Variants in SLC12A7 observed in about 807,000 individuals in gnomAD.
SLC12A7 encodes solute carrier family 12 member 7, also known as K-Cl cotransporter 4.
Under a neutral mutation model 120.6 loss-of-function variants are expected in SLC12A7, and 100 were observed. The observed-to-expected ratio is 0.83, with a 90% CI of 0.71 to 0.98. SLC12A7 has a LOEUF of 0.98. SLC12A7 is among the 50% of genes least tolerant of loss of function. The pLI is 0.00. For synonymous variants in SLC12A7, 760 were observed against 678.0 expected (o/e 1.12, Z -1.88); for missense variants, 1,373 against 1,548.1 (o/e 0.89, Z 1.90).
chr5:1,142,889 A>T, the SLC12A7 span, among the ~76,000 whole-genome samples: 2 of 151,046 alleles, frequency 1.3e-5, no homozygotes, highest in Non-Finnish European at 3.0e-5. Flanking sequence ...GGTAAGGGGG[A>T]GTAGGTCAGC....
chr5:1,154,372 C>CAA, the SLC12A7 span, among the ~76,000 whole-genome samples: 1 of 151,784 alleles, frequency 6.6e-6, no homozygotes, highest in South Asian at 2.1e-4. Flanking sequence ...CACACACACA[C>CAA]ACACACACAC....
At chr5:1,148,424 C>T in the SLC12A7 span, among the ~76,000 whole-genome samples, 1 of 152,124 alleles carries the variant, frequency 6.6e-6, no homozygotes, top group Non-Finnish European at 1.5e-5. Context: ...CCAGGATGGT[C>T]TCTATCTCCT....
chr5:1,084,162 T>TGGGGACC (rs1226534581), intron 7 of SLC12A7, among the ~76,000 whole-genome samples: 6 of 151,692 alleles, frequency 4.0e-5, no homozygotes, highest in Admixed American at 2.0e-4. Context: ...GGGATCACAC[T>TGGGGACC]GGGGACCGGG....
At chr5:1,152,767 A>G in the SLC12A7 span, among the ~76,000 whole-genome samples, 1 of 152,262 alleles carries the variant, frequency 6.6e-6, no homozygotes, top group South Asian at 2.1e-4. Flanking sequence ...GGATTCCTGC[A>G]TTGAAAACTG....
intron 17 of SLC12A7, among the ~76,000 whole-genome samples, chr5:1,067,745 G>A (rs545807088): frequency 6.6e-6 from 1 of 152,364 alleles, no homozygotes; most frequent in Non-Finnish European, 1.5e-5. Flanking sequence ...AGGACTGCAG[G>A]GTTTCAGGAG....
chr5:1,114,850 G>T (rs150132849), upstream of SLC12A7, among the ~76,000 whole-genome samples: 7 of 152,274 alleles, frequency 4.6e-5, no homozygotes, highest in East Asian at 1.4e-3. Context: ...CAGATTCATG[G>T]AGCAAAATGG....
chr5:1,089,132 C>T lies in SLC12A7; in HGVS notation c.343-4G>A, dbSNP rs758534997. 34 of 1,612,014 alleles carry T rather than the reference C, an allele frequency of 2.1e-5. No individual in the cohort carries two copies. The Admixed American group carries it at 4.2e-4, about 20-fold the overall frequency. On this transcript the variant is annotated splice_region_variant and splice_polypyrimidine_tract_variant and intron_variant, in intron 3 of 23. Coordinates refer to ENST00000264930, the MANE Select transcript of SLC12A7 (RefSeq NM_006598.3). ...TGAAGGTGCCCATGCGCGGAGCCTG[C>T]GACAGAGCATAGCGTGTCCCAGGGG... is the stretch of plus-strand genomic sequence containing the variant.
At position 1,073,893 on chromosome 5, in the gene SLC12A7, C is replaced by A. The variant is rs1042598392; in HGVS notation, c.2073-92G>T. On this transcript the variant is annotated intron_variant, in intron 16 of 23. Transcript: ENST00000264930. ...GGGCAGATGGGACGGGCGGGGCACA[C>A]GACACAGGTGGGACGGGAGATACAT... 1.2e-5 allele frequency: 15 copies of A among 1,219,534 alleles called. No individual in the cohort carries two copies. In the African/African-American group the frequency reaches 2.0e-4, roughly 16 times the overall value. The allele number at this position is 1,219,534 out of a possible 1,614,324, so 75.5% of individuals were successfully genotyped here. A position where few individuals can be genotyped will look rare whatever the true frequency, so the allele number is the denominator to read the frequency against.
At chr5:1,053,568 A>G in intron 22 of SLC12A7, 86 bp from the exon 23 acceptor site, 1 of 1,509,940 alleles carries the variant, frequency 6.6e-7, no homozygotes, top group Non-Finnish European at 9.0e-7. Flanking sequence ...GATGAGCTGC[A>G]TTCACACGTG....
At chr5:1,120,272 G>A in the SLC12A7 span, among the ~76,000 whole-genome samples, 2 of 152,132 alleles carry the variant, frequency 1.3e-5, no homozygotes, top group East Asian at 1.9e-4. Context: ...GAGCAAGCCC[G>A]GGTGCAGCTG....
chr5:1,073,767 C>T lies in SLC12A7; in HGVS notation c.2107G>A (p.Glu703Lys), dbSNP rs974515550. Residue 703 changes from glutamate to lysine, a missense_variant, in exon 17 of 24, where the codon GAG becomes AAG. By Grantham distance (56) the Glu-to-Lys change is moderately conservative (BLOSUM62 1). Coordinates refer to ENST00000264930, the MANE Select transcript of SLC12A7 (RefSeq NM_006598.3). ...AGGCGGGGGTGCTTCACGGCCTGCTCCGCGTCCAGGTTCAGCATCACCAGC... is the reference window on the plus strand; with the variant it reads ...AGGCGGGGGTGCTTCACGGCCTGCTTCGCGTCCAGGTTCAGCATCACCAGC... ...QVLVMLNLDA[E>K]QAVKHPRLLS... 3 of 1,496,092 alleles carry T rather than the reference C, an allele frequency of 2.0e-6. No homozygotes were observed. Among genetic ancestry groups the T allele is most frequent in the East Asian group, 2.6e-5 (1 of 38,856 alleles). The allele number at this position is 1,496,092 out of a possible 1,614,324, so 92.7% of individuals were successfully genotyped here.
At chr5:1,115,230 C>T (rs561296573), upstream of SLC12A7, among the ~76,000 whole-genome samples, 1 of 152,322 alleles carries the variant, frequency 6.6e-6, no homozygotes, top group South Asian at 2.1e-4. Context: ...GGATTTAGTG[C>T]GAAAGTGTAG....
At chr5:1,151,023 C>T in the SLC12A7 span, among the ~76,000 whole-genome samples, 145 of 152,370 alleles carry the variant, frequency 9.5e-4, no homozygotes, top group African/African-American at 3.1e-3. This position sits in a 1 kb window ranked among gnomAD's most constrained non-coding sequence, Gnocchi z 6.2. Context: ...CTGTGGTCCA[C>T]GGATGGGGAG....
the SLC12A7 span, among the ~76,000 whole-genome samples, chr5:1,137,758 C>T: frequency 6.6e-6 from 1 of 152,252 alleles, no homozygotes; most frequent in Non-Finnish European, 1.5e-5. Flanking sequence ...CCTCCCTGCT[C>T]GCCCAGGTGC....
chr5:1,119,553 G>A, the SLC12A7 span, among the ~76,000 whole-genome samples: 1 of 152,258 alleles, frequency 6.6e-6, no homozygotes, highest in Non-Finnish European at 1.5e-5. Flanking sequence ...GCCGCCCATG[G>A]TGCTGTGGTC....
chr5:1,098,409 C>G (rs1741584623), intron 1 of SLC12A7, among the ~76,000 whole-genome samples: 1 of 30,914 alleles, frequency 3.2e-5, no homozygotes, highest in Non-Finnish European at 6.7e-5. Flanking sequence ...ACCCAGCCCC[C>G]TTCTAACCCT....
At chr5:1,108,803 G>T (rs1308743594) in intron 1 of SLC12A7, among the ~76,000 whole-genome samples, 1 of 152,164 alleles carries the variant, frequency 6.6e-6, no homozygotes, top group Non-Finnish European at 1.5e-5. Context: ...CTCAGATTTT[G>T]GGAGGGGGCT....
chr5:1,074,413 A>C (rs1738086916), intron 16 of SLC12A7, among the ~76,000 whole-genome samples, 154 bp downstream of exon 16: 1 of 152,110 alleles, frequency 6.6e-6, no homozygotes. Flanking sequence ...CAGCTGCGCC[A>C]TCCGCTCTGC....
In SLC12A7 at chr5:1,052,284, C is replaced by T. The variant is rs1410040033; in HGVS notation, c.*76G>A. The T allele has an allele frequency of 3.2e-6, 4 of 1,268,688 alleles. No individual in the cohort carries two copies. The highest frequency in any genetic ancestry group is 4.6e-6 in the Non-Finnish European group (4 of 868,578). The allele number at this position is 1,268,688 out of a possible 1,614,324, so 78.6% of individuals were successfully genotyped here. A position where few individuals can be genotyped will look rare whatever the true frequency, so the allele number is the denominator to read the frequency against. On this transcript the variant is annotated 3_prime_UTR_variant, in exon 24 of 24. Transcript: ENST00000264930. ...GACAGGTGTGTCTGCCGTCTGTTTC[C>T]CTGGGCCAAGCCCAGGCCCAGGCTG...
Sources: gnomAD v4.1 joint callset for allele counts (sites outside exome capture counted in the v4.1 genomes callset) on GRCh38, gnomAD v4.1.1 for gene constraint, Gnocchi (gnomAD v3.1) non-coding constraint, MANE v1.5 for transcripts, NCBI Gene and HGNC (gene_info 2026-07-23, HGNC 2026-07-21) for gene names.